The following CLRN1 variants were observed in gnomAD, a reference collection of about 807,000 sequenced individuals.
The protein encoded by CLRN1 is clarin 1.
In CLRN1, 15 loss-of-function variants were observed where a neutral mutation model predicts 18.7. The observed-to-expected ratio is 0.80, with a 90% CI of 0.54 to 1.23. The LOEUF is 1.23. Ranked by LOEUF, CLRN1 falls within the 50% of genes most tolerant of loss-of-function variation. The probability of loss-of-function intolerance (pLI) is 0.00; values close to 1 mark genes in which losing one functional copy is unlikely to be tolerated. For synonymous variants in CLRN1, 104 were observed against 102.9 expected (o/e 1.01, Z -0.07); for missense variants, 311 against 277.5 (o/e 1.12, Z -0.86).
chr3:150,972,778 C>T (rs1307800361), upstream of CLRN1: 3 of 1,606,304 alleles, frequency 1.9e-6, no homozygotes, highest in Admixed American at 3.3e-5. Flanking sequence ...AAGGGACTGC[C>T]TCTTTGACTG....
At chr3:150,931,446 C>T (rs755319467) in intron 2 of CLRN1, among the ~76,000 whole-genome samples, 7 of 152,320 alleles carry the variant, frequency 4.6e-5, no homozygotes, top group Non-Finnish European at 1.0e-4. Context: ...ACATACCCAT[C>T]TGGCATGCCT....
chr3:150,928,298 C>T, intron 2 of CLRN1, 97 bp from the exon 3 acceptor site: 1 of 1,431,572 alleles, frequency 7.0e-7, no homozygotes, highest in Non-Finnish European at 9.6e-7. Flanking sequence ...CTCTTACCAT[C>T]ATCCCCATTG....
Position 150,926,709 on chromosome 3 carries a change from T to C in CLRN1, c.*1227A>G. 7.4e-7 allele frequency: 1 copy of C among 1,359,672 alleles called. No individual in the cohort carries two copies. The highest frequency in any genetic ancestry group is 2.3e-5 in the East Asian group (1 of 43,632). 84.2% of individuals were successfully genotyped at this position (1,359,672 alleles called of 1,614,324 possible). A position where few individuals can be genotyped will look rare whatever the true frequency, so the allele number is the denominator to read the frequency against. On this transcript the variant is annotated 3_prime_UTR_variant, in exon 3 of 3. Coordinates refer to ENST00000327047, the MANE Select transcript of CLRN1 (RefSeq NM_174878.3). ...CAGTGTTTTATTTTAAGGAGTACTT[T>C]CAAACCTATTATATGAGGGCTGCTG... is the stretch of plus-strand genomic sequence containing the variant.
intron 1 of CLRN1, among the ~76,000 whole-genome samples, chr3:150,952,981 T>G (rs1421032524): frequency 6.6e-6 from 1 of 152,212 alleles, no homozygotes; most frequent in Non-Finnish European, 1.5e-5. Context: ...AAGTCTGTAA[T>G]GACCAGCCAG....
chr3:150,951,926 C>A (rs1197636488), intron 1 of CLRN1, among the ~76,000 whole-genome samples: 3 of 152,172 alleles, frequency 2.0e-5, no homozygotes, highest in Admixed American at 1.3e-4. Context: ...CAATCACCTC[C>A]CACCAGGCCC....
intron 2 of CLRN1, among the ~76,000 whole-genome samples, chr3:150,934,640 C>A (rs1281564239): frequency 1.3e-5 from 2 of 152,122 alleles, no homozygotes; most frequent in Non-Finnish European, 2.9e-5. Flanking sequence ...CTTTTACATG[C>A]AGATCTAGGT....
Position 150,946,904 on chromosome 3 carries a change from C to G in CLRN1, c.254-5143G>C, listed in dbSNP as rs1217593876. On this transcript the variant is annotated intron_variant, in intron 1 of 2. Coordinates refer to ENST00000327047, the MANE Select transcript of CLRN1 (RefSeq NM_174878.3). ...CAATGCTATCCCTCCCCCCTCCCCC[C>G]ACCCCACAACAGTCCCCACAGTGTG... 8.9e-5 allele frequency among the ~76,000 whole-genome samples: 11 copies of G among 123,008 alleles called. 1 individual carries two copies. In the South Asian group the frequency reaches 3.2e-3, roughly 35 times the overall value. 80.7% of individuals were successfully genotyped at this position (123,008 alleles called of 152,430 possible). A position where few individuals can be genotyped will look rare whatever the true frequency, so the allele number is the denominator to read the frequency against.
At chr3:150,942,590 G>A (rs546292050) in intron 1 of CLRN1, 25 of 455,350 alleles carry the variant, frequency 5.5e-5, no homozygotes, top group South Asian at 3.7e-4. Flanking sequence ...TGGAAGTAGA[G>A]CCATAAAACA....
In CLRN1 at chr3:150,927,028, T is replaced by A; in HGVS notation, c.*908A>T. 7.3e-7 allele frequency: 1 copy of A among 1,378,060 alleles called. No individual in the cohort carries two copies. The highest frequency in any genetic ancestry group is 1.0e-6 in the Non-Finnish European group (1 of 996,502). 85.4% of individuals were successfully genotyped at this position (1,378,060 alleles called of 1,614,324 possible). The stretch of plus-strand genomic sequence containing the variant: ...AATTGCATATTAGTACTCGAGACAC[T>A]ATAGCTAGAAAAACAGCCCCTAATA... On this transcript the variant is annotated 3_prime_UTR_variant, in exon 3 of 3. Coordinates refer to ENST00000327047, the MANE Select transcript of CLRN1 (RefSeq NM_174878.3).
chr3:150,937,353 T>C (rs1041794367), intron 2 of CLRN1, among the ~76,000 whole-genome samples: 1 of 152,194 alleles, frequency 6.6e-6, no homozygotes, highest in Non-Finnish European at 1.5e-5. Context: ...ACTCAGTCAA[T>C]GTTTGACAAA....
intron 2 of CLRN1, among the ~76,000 whole-genome samples, chr3:150,935,244 A>T (rs1713397237): frequency 6.6e-6 from 1 of 150,786 alleles, no homozygotes; most frequent in Non-Finnish European, 1.5e-5. Context: ...GCTGCACCCA[A>T]TAACTCGTCA....
intron 2 of CLRN1, among the ~76,000 whole-genome samples, chr3:150,939,194 C>T (rs182377522): frequency 8.5e-5 from 13 of 152,140 alleles, no homozygotes; most frequent in South Asian, 6.2e-4. Context: ...AGAGAGAAGA[C>T]GAGAAAAGAA....
chr3:150,966,924 A>G (rs1163705182), intron 1 of CLRN1, among the ~76,000 whole-genome samples: 3 of 152,214 alleles, frequency 2.0e-5, no homozygotes, highest in Admixed American at 1.3e-4. Flanking sequence ...CCCTCGTTGT[A>G]TAGATCACAG....
At chr3:150,933,315 A>T (rs1396321671) in intron 2 of CLRN1, among the ~76,000 whole-genome samples, 1 of 152,182 alleles carries the variant, frequency 6.6e-6, no homozygotes. Context: ...AAGTACATTC[A>T]ATGGTTTATC....
chr3:150,947,612 C>G (rs1714244904), intron 1 of CLRN1, among the ~76,000 whole-genome samples: 1 of 152,180 alleles, frequency 6.6e-6, no homozygotes, highest in South Asian at 2.1e-4. Context: ...TTCTTCTCAT[C>G]ACCACATGGC....
chr3:150,972,550 C>A lies in CLRN1; in HGVS notation c.159G>T (p.Glu53Asp), dbSNP rs759147107. 6.2e-7 allele frequency: 1 copy of A among 1,614,222 alleles called. No individual in the cohort carries two copies. Among genetic ancestry groups the A allele is most frequent in the Non-Finnish European group, 8.5e-7 (1 of 1,180,010 alleles). ...GALLVNASGQ[E>D]LDKFMGEMQY... Reference sequence around the variant, plus strand: ...GCATTTCACCCATAAACTTGTCCAGCTCCTGCCCTGAGGCATTGACGAGCA... The same window carrying A: ...GCATTTCACCCATAAACTTGTCCAGATCCTGCCCTGAGGCATTGACGAGCA... Residue 53 changes from glutamate to aspartate, a missense_variant, in exon 1 of 3, where the codon GAG (glutamate) becomes GAT (aspartate). Glu to Asp is a conservative substitution (Grantham distance 45, BLOSUM62 2). Coordinates refer to ENST00000327047, the MANE Select transcript of CLRN1 (RefSeq NM_174878.3).
chr3:150,938,289 C>G (rs556173223), intron 2 of CLRN1, among the ~76,000 whole-genome samples: 1 of 152,212 alleles, frequency 6.6e-6, no homozygotes, highest in South Asian at 2.1e-4. Context: ...GTGACTCGTA[C>G]GTGAAATAAA....
intron 1 of CLRN1, among the ~76,000 whole-genome samples, chr3:150,959,701 T>A (rs754073632): frequency 6.6e-6 from 1 of 152,012 alleles, no homozygotes; most frequent in African/African-American, 2.4e-5. Context: ...AACTGCTAAG[T>A]ATGTTCCTTT....
chr3:150,957,317 T>C (rs527309476), intron 1 of CLRN1, among the ~76,000 whole-genome samples: 1 of 152,034 alleles, frequency 6.6e-6, no homozygotes, highest in Admixed American at 6.6e-5. Flanking sequence ...GGCTATTTCC[T>C]GATCTCAGTC....
Sources: gnomAD v4.1 joint callset for allele counts (sites outside exome capture counted in the v4.1 genomes callset) on GRCh38, gnomAD v4.1.1 for gene constraint, MANE v1.5 for transcripts, NCBI Gene and HGNC (gene_info 2026-07-23, HGNC 2026-07-21) for gene names.